Variants in FAM114A1 observed in about 807,000 individuals in gnomAD.
FAM114A1 encodes the protein protein NOXP20.
Under a neutral mutation model 64.3 loss-of-function variants are expected in FAM114A1, and 62 were observed. The ratio of observed to expected loss-of-function variants is 0.96; its 90% CI spans 0.79 to 1.19. The LOEUF (loss-of-function observed/expected upper bound fraction) is 1.19, where lower values mean the gene tolerates loss of function less well. Ranked by LOEUF, FAM114A1 falls within the 50% of genes most tolerant of loss-of-function variation. The pLI is 0.00. For missense variants in FAM114A1, 645 were observed against 676.3 expected, an observed-to-expected ratio of 0.95 and a Z score of 0.51; for synonymous variants, 254 against 251.1, an observed-to-expected ratio of 1.01 and a Z score of -0.11.
At position 38,931,506 on chromosome 4, in the gene FAM114A1, A is replaced by C; in HGVS notation, c.1217A>C (p.Asp406Ala). 1 of 1,614,174 alleles carries C rather than the reference A, an allele frequency of 6.2e-7. No homozygotes were observed. The highest frequency in any genetic ancestry group is 1.1e-5 in the South Asian group (1 of 91,066). ...GAGGATCAAACCGTGGTGTCAGTAG[A>C]TGTGGCAAAAGTGTCCGAAGAAGAA... ...VEEDQTVVSV[D>A]VAKVSEEETK... Residue 406 changes from aspartate to alanine, a missense_variant, in exon 11 of 15, where the codon GAT becomes GCT. Physicochemically the swap from Asp to Ala is moderately radical, Grantham distance 126. Coordinates refer to ENST00000358869, the MANE Select transcript of FAM114A1 (RefSeq NM_138389.4).
At chr4:38,907,267 G>A (rs996994721) in intron 6 of FAM114A1, among the ~76,000 whole-genome samples, 1 of 152,162 alleles carries the variant, frequency 6.6e-6, no homozygotes, top group Non-Finnish European at 1.5e-5. Context: ...GATGGGAGAT[G>A]GATGGAGCTC....
intron 4 of FAM114A1, among the ~76,000 whole-genome samples, chr4:38,902,417 A>G (rs1377852515): frequency 6.6e-6 from 1 of 152,202 alleles, no homozygotes; most frequent in Non-Finnish European, 1.5e-5. Context: ...GCACAGCCGC[A>G]GAGACTCAGA....
chr4:38,886,304 C>T (rs1389237742), intron 3 of FAM114A1, among the ~76,000 whole-genome samples: 3 of 151,432 alleles, frequency 2.0e-5, no homozygotes, highest in Non-Finnish European at 2.9e-5. Context: ...CCCGAGTAGC[C>T]GGGATTACAG....
intron 12 of FAM114A1, 118 bp from the exon 13 acceptor site, chr4:38,935,600 C>G (rs140616537): frequency 1.5e-6 from 1 of 651,208 alleles, no homozygotes; most frequent in African/African-American, 1.9e-5. Flanking sequence ...AGAGCATCTT[C>G]AAGCATGTGT....
intron 3 of FAM114A1, among the ~76,000 whole-genome samples, chr4:38,880,107 GTAGAATAGAATAGAATAGAA>G (rs573937537): frequency 0.022 from 2,764 of 127,340 alleles, 88 homozygotes; most frequent in African/African-American, 0.059. Context: ...ATAAAATAGA[GTAGAATAGAATAGAATAGAA>G]TAGAATAGAA....
intron 4 of FAM114A1, among the ~76,000 whole-genome samples, chr4:38,894,347 A>G (rs73148477): frequency 6.6e-6 from 1 of 152,102 alleles, no homozygotes; most frequent in Non-Finnish European, 1.5e-5. Context: ...TCTCACAACA[A>G]TTTATAAATT....
intron 14 of FAM114A1, among the ~76,000 whole-genome samples, chr4:38,941,589 T>C (rs1451222544): frequency 6.6e-6 from 1 of 152,214 alleles, no homozygotes; most frequent in Non-Finnish European, 1.5e-5. Flanking sequence ...CACTGCTGTG[T>C]CTTTGCCAGA....
intron 8 of FAM114A1, among the ~76,000 whole-genome samples, chr4:38,920,204 T>C (rs1323615517): frequency 6.7e-6 from 1 of 148,754 alleles, no homozygotes; most frequent in Non-Finnish European, 1.5e-5. Context: ...GAGACCCGTC[T>C]CAAAAAAAAA....
intron 12 of FAM114A1, among the ~76,000 whole-genome samples, chr4:38,933,680 A>T (rs368731378): frequency 2.6e-5 from 4 of 152,234 alleles, no homozygotes; most frequent in Admixed American, 2.6e-4. Flanking sequence ...GCTGAAAAAT[A>T]AGCCTTTAAC....
At chr4:38,936,537 TAA>T (rs1223993946) in intron 13 of FAM114A1, among the ~76,000 whole-genome samples, 1 of 150,826 alleles carries the variant, frequency 6.6e-6, no homozygotes, top group Non-Finnish European at 1.5e-5. Flanking sequence ...CCATGCAAGA[TAA>T]GAGTTTTCAT....
intron 2 of FAM114A1, among the ~76,000 whole-genome samples, chr4:38,875,476 A>G (rs1355740759): frequency 3.3e-5 from 5 of 152,132 alleles, no homozygotes; most frequent in Admixed American, 2.0e-4. Flanking sequence ...CAGCTTGGAC[A>G]TTATTGGTGT....
At chr4:38,904,960 G>A (rs11943256) in intron 4 of FAM114A1, among the ~76,000 whole-genome samples, 2,307 of 152,202 alleles carry the variant, frequency 0.015, 71 homozygotes, top group African/African-American at 0.052. Context: ...TCATTTGCAC[G>A]TCACAATAAC....
intron 7 of FAM114A1, among the ~76,000 whole-genome samples, chr4:38,910,800 G>A (rs1718463046): frequency 6.6e-6 from 1 of 152,196 alleles, no homozygotes; most frequent in Non-Finnish European, 1.5e-5. Context: ...ACAGCAGGAT[G>A]CCCGTGATGG....
chr4:38,871,082 C>A (rs111569889), intron 2 of FAM114A1, among the ~76,000 whole-genome samples: 1 of 125,348 alleles, frequency 8.0e-6, no homozygotes. Context: ...TCTTTTTTTT[C>A]TTTCTTTTTT....
chr4:38,896,236 A>C lies in FAM114A1; in HGVS notation c.436+4406A>C, dbSNP rs538332376. On this transcript the variant is annotated intron_variant, in intron 4 of 14. Coordinates refer to ENST00000358869, the MANE Select transcript of FAM114A1 (RefSeq NM_138389.4). ...AGAAAAGCAGGTACTAAAATTGTTC[A>C]TCACCACTGATCATCACTACCCACC... 1.5e-4 allele frequency among the ~76,000 whole-genome samples: 23 copies of C among 152,304 alleles called. No homozygotes were observed. The South Asian group carries it at 4.6e-3, about 30-fold the overall frequency.
intron 3 of FAM114A1, among the ~76,000 whole-genome samples, chr4:38,891,436 T>G (rs1172683471): frequency 6.6e-6 from 1 of 152,192 alleles, no homozygotes; most frequent in Non-Finnish European, 1.5e-5. Flanking sequence ...CGTATCTTTT[T>G]CCCATGCAGC....
chr4:38,909,842 C>A (rs1372780822), intron 7 of FAM114A1, among the ~76,000 whole-genome samples: 5 of 152,212 alleles, frequency 3.3e-5, no homozygotes, highest in African/African-American at 9.6e-5. Context: ...TTCTTCTTGT[C>A]TCTTCTGGAA....
At chr4:38,888,161 A>G (rs1277003824) in intron 3 of FAM114A1, among the ~76,000 whole-genome samples, 1 of 151,844 alleles carries the variant, frequency 6.6e-6, no homozygotes, top group East Asian at 1.9e-4. Context: ...AAATAAATGC[A>G]TTTTCTATTT....
chr4:38,895,943 G>A (rs547918780), intron 4 of FAM114A1, among the ~76,000 whole-genome samples: 26 of 152,114 alleles, frequency 1.7e-4, no homozygotes, highest in Non-Finnish European at 3.1e-4. Context: ...GTCGTTGACC[G>A]TAAGTTTGTC....
Sources: gnomAD v4.1 joint callset for allele counts (sites outside exome capture counted in the v4.1 genomes callset) on GRCh38, gnomAD v4.1.1 for gene constraint, MANE v1.5 for transcripts, NCBI Gene and HGNC (gene_info 2026-07-23, HGNC 2026-07-21) for gene names.